COL21A1: variants seen among roughly 807,000 people sequenced by gnomAD.
COL21A1 encodes the protein collagen type XXI alpha 1 chain.
Under a neutral mutation model 137.9 loss-of-function variants are expected in COL21A1, and 149 were observed. The ratio of observed to expected loss-of-function variants is 1.08; its 90% CI spans 0.95 to 1.24. COL21A1 has a LOEUF of 1.24. Ranked by LOEUF, COL21A1 falls within the 50% of genes most tolerant of loss-of-function variation. The pLI is 0.00. For synonymous variants in COL21A1, 456 were observed against 391.5 expected (o/e 1.16, Z -1.95); for missense variants, 1,167 against 1,158.4 (o/e 1.01, Z -0.11).
chr6:56,386,369 G>T (rs923027767), intron 1 of COL21A1, among the ~76,000 whole-genome samples: 3 of 152,188 alleles, frequency 2.0e-5, no homozygotes, highest in African/African-American at 4.8e-5. Context: ...GAATAGTGCT[G>T]CTATACATAG....
At chr6:56,169,210 A>G (rs1335093278) in intron 5 of COL21A1, among the ~76,000 whole-genome samples, 3 of 151,868 alleles carry the variant, frequency 2.0e-5, no homozygotes, top group South Asian at 4.1e-4. Flanking sequence ...ATAATTTTCA[A>G]ATCTATCTAG....
At chr6:56,328,784 C>G (rs546313038) in intron 1 of COL21A1, among the ~76,000 whole-genome samples, 2 of 152,002 alleles carry the variant, frequency 1.3e-5, no homozygotes, top group Admixed American at 6.6e-5. Context: ...AAACATGCCT[C>G]GAAATAGCAG....
intron 1 of COL21A1, among the ~76,000 whole-genome samples, chr6:56,382,539 T>C (rs1387358078): frequency 6.6e-6 from 1 of 152,126 alleles, no homozygotes; most frequent in Non-Finnish European, 1.5e-5. Context: ...TGTTTGGAGA[T>C]AGGGCTTTTA....
intron 1 of COL21A1, among the ~76,000 whole-genome samples, chr6:56,391,016 C>T (rs968433419): frequency 1.3e-5 from 2 of 152,158 alleles, no homozygotes. Context: ...CTGCCAAATA[C>T]ACATTCTTCT....
chr6:56,165,271 T>C (rs1409815553), intron 7 of COL21A1, among the ~76,000 whole-genome samples: 3 of 152,142 alleles, frequency 2.0e-5, no homozygotes, highest in African/African-American at 7.2e-5. Context: ...TTTTATTAAA[T>C]AACATACAAT....
chr6:56,109,217 A>G (rs894453433), intron 16 of COL21A1, among the ~76,000 whole-genome samples: 2 of 151,730 alleles, frequency 1.3e-5, no homozygotes, highest in African/African-American at 4.8e-5. Flanking sequence ...AGTAAAAAAC[A>G]AAAATTTAAT....
chr6:56,238,430 TAAAAA>T (rs548005509), intron 1 of COL21A1, among the ~76,000 whole-genome samples: 9 of 91,520 alleles, frequency 9.8e-5, no homozygotes, highest in African/African-American at 3.3e-4. Flanking sequence ...GCAGTCTTCT[TAAAAA>T]AAAAAAAAAA....
At chr6:56,079,727 T>C (rs1767582166) in intron 17 of COL21A1, among the ~76,000 whole-genome samples, 1 of 151,642 alleles carries the variant, frequency 6.6e-6, no homozygotes, top group African/African-American at 2.4e-5. Context: ...AAATTCCTTT[T>C]CTTTTTGTTC....
chr6:56,260,617 G>GAA (rs1341968774), intron 1 of COL21A1, among the ~76,000 whole-genome samples: 9 of 90,684 alleles, frequency 9.9e-5, no homozygotes, highest in African/African-American at 2.9e-4. Context: ...AAGAAAGAAA[G>GAA]AGAGAGAGAG....
At chr6:56,269,535 G>A (rs377181025) in intron 1 of COL21A1, among the ~76,000 whole-genome samples, 1 of 150,448 alleles carries the variant, frequency 6.6e-6, no homozygotes, top group African/African-American at 2.4e-5. Flanking sequence ...GGCGCCTGTA[G>A]TCCCAGCTAC....
chr6:56,291,494 T>G (rs1360234842), intron 1 of COL21A1, among the ~76,000 whole-genome samples: 1 of 152,214 alleles, frequency 6.6e-6, no homozygotes, highest in African/African-American at 2.4e-5. Context: ...AGTCTCCCCC[T>G]GGCACCCACT....
chr6:56,214,943 T>C (rs1451467211), intron 1 of COL21A1, among the ~76,000 whole-genome samples: 2 of 152,104 alleles, frequency 1.3e-5, no homozygotes, highest in African/African-American at 2.4e-5. Context: ...GGTTAATATA[T>C]AGCTGAACAG....
chr6:56,151,144 T>G (rs1775291574), intron 10 of COL21A1, among the ~76,000 whole-genome samples: 2 of 152,058 alleles, frequency 1.3e-5, no homozygotes, highest in African/African-American at 4.8e-5. Context: ...GAGAATGGCA[T>G]GAACCCAGGA....
At chr6:56,108,957 C>T (rs947646114) in intron 16 of COL21A1, among the ~76,000 whole-genome samples, 7 of 151,670 alleles carry the variant, frequency 4.6e-5, no homozygotes, top group Admixed American at 1.3e-4. Context: ...CCTAAAAAGA[C>T]TTTTAACTCT....
intron 7 of COL21A1, among the ~76,000 whole-genome samples, chr6:56,165,643 T>C (rs1428119589): frequency 6.6e-6 from 1 of 152,156 alleles, no homozygotes; most frequent in Non-Finnish European, 1.5e-5. Context: ...CCAGAATAAA[T>C]CCTTTCTAGA....
At chr6:56,224,853 T>G (rs1288532769) in intron 1 of COL21A1, among the ~76,000 whole-genome samples, 1 of 152,058 alleles carries the variant, frequency 6.6e-6, no homozygotes, top group African/African-American at 2.4e-5. Flanking sequence ...AAGTACTACT[T>G]AACCTATCAC....
chr6:56,167,101 A>G, intron 6 of COL21A1, 118 bp from the exon 7 acceptor site: 1 of 703,942 alleles, frequency 1.4e-6, no homozygotes, highest in South Asian at 1.7e-5. Context: ...TTTACATCAC[A>G]GCATTTAGCT....
intron 1 of COL21A1, among the ~76,000 whole-genome samples, chr6:56,196,661 G>A (rs1237319330): frequency 6.6e-6 from 1 of 152,012 alleles, no homozygotes; most frequent in East Asian, 1.9e-4. Context: ...AACCAAGGAG[G>A]TGAAATACCT....
At chr6:56,377,695 A>G (rs2094001837) in intron 1 of COL21A1, among the ~76,000 whole-genome samples, 1 of 152,050 alleles carries the variant, frequency 6.6e-6, no homozygotes, top group Non-Finnish European at 1.5e-5. Context: ...GGGCCCAGAG[A>G]CAGTGGATTG....
Sources: gnomAD v4.1 joint callset for allele counts (sites outside exome capture counted in the v4.1 genomes callset) on GRCh38, gnomAD v4.1.1 for gene constraint, MANE v1.5 for transcripts, NCBI Gene and HGNC (gene_info 2026-07-23, HGNC 2026-07-21) for gene names.